Variants in IMPG2 observed in about 807,000 individuals in gnomAD.
IMPG2 encodes interphotoreceptor matrix proteoglycan 2, also known as IPM 200.
IMPG2 carries 91 observed loss-of-function variants against 129.2 expected under a neutral mutation model. The observed-to-expected ratio is 0.70, with a 90% CI of 0.59 to 0.84. The LOEUF (loss-of-function observed/expected upper bound fraction) is 0.84, where lower values mean the gene tolerates loss of function less well. Ranked by LOEUF, IMPG2 falls within the 40% of genes least tolerant of loss-of-function variation. The pLI is 0.00. For synonymous variants in IMPG2, 510 were observed against 517.7 expected (o/e 0.99, Z 0.20); for missense variants, 1,430 against 1,461.7 (o/e 0.98, Z 0.35).
In IMPG2 at chr3:101,226,225, TTATATATATATATATATATATATATA is replaced by T. The variant is rs66908707; in HGVS notation, c.*718_*743del. The T allele has an allele frequency of 1.7e-3, 177 of 102,902 alleles. 5 individuals carry two copies. Among genetic ancestry groups the T allele is most frequent in the Admixed American group, 5.9e-3 (60 of 10,168 alleles). The allele number at this position is 102,902 out of a possible 1,614,324, so 6.4% of individuals were successfully genotyped here. A position where few individuals can be genotyped will look rare whatever the true frequency, so the allele number is the denominator to read the frequency against. ...TAGATTAATGGGAATCTTCTAAACT[TTATATATATATATATATATATATATA>T]TATATATATATATATATATATATAT... is the stretch of plus-strand genomic sequence containing the variant. On this transcript the variant is annotated 3_prime_UTR_variant, in exon 19 of 19. Coordinates refer to ENST00000193391, the MANE Select transcript of IMPG2 (RefSeq NM_016247.4).
chr3:101,273,817 A>T (rs1474151364), intron 6 of IMPG2, 75 bp from the exon 7 acceptor site: 12 of 1,410,674 alleles, frequency 8.5e-6, no homozygotes, highest in Non-Finnish European at 1.2e-5. Flanking sequence ...GATTGTTTCA[A>T]TGTGTCAGAA....
At chr3:101,247,190 T>C (rs1028025689) in intron 11 of IMPG2, among the ~76,000 whole-genome samples, 1 of 152,142 alleles carries the variant, frequency 6.6e-6, no homozygotes, top group African/African-American at 2.4e-5. Flanking sequence ...TTCTGGATTC[T>C]GAATAACAAA....
chr3:101,233,711 A>C (rs1023108182), intron 14 of IMPG2, among the ~76,000 whole-genome samples: 9 of 152,188 alleles, frequency 5.9e-5, no homozygotes, highest in African/African-American at 2.2e-4. Context: ...TGGGCCTTCC[A>C]TCCTGCCACA....
chr3:101,272,956 G>A (rs901042839), intron 7 of IMPG2, among the ~76,000 whole-genome samples: 24 of 152,134 alleles, frequency 1.6e-4, no homozygotes, highest in African/African-American at 4.1e-4. Flanking sequence ...CAAACTAGAC[G>A]GGGACTATGG....
chr3:101,237,272 G>T (rs1559640938), intron 14 of IMPG2, among the ~76,000 whole-genome samples: 1 of 152,186 alleles, frequency 6.6e-6, no homozygotes. Flanking sequence ...CTGGGGGAAG[G>T]GGCAGCTGTA....
intron 14 of IMPG2, among the ~76,000 whole-genome samples, chr3:101,240,119 T>G (rs1559641580): frequency 6.6e-6 from 1 of 152,102 alleles, no homozygotes; most frequent in East Asian, 1.9e-4. Context: ...TTATTTTTTA[T>G]TTTTTATTTT....
In IMPG2 at chr3:101,305,273, T is replaced by C. The variant is rs538102341; in HGVS notation, c.335-961A>G. 5.3e-5 allele frequency among the ~76,000 whole-genome samples: 8 copies of C among 152,258 alleles called. No individual in the cohort carries two copies. The South Asian group carries it at 1.2e-3, about 24-fold the overall frequency. On this transcript the variant is annotated intron_variant, in intron 2 of 18. Coordinates refer to ENST00000193391, the MANE Select transcript of IMPG2 (RefSeq NM_016247.4). Reference sequence around the variant, plus strand: ...CATACTGGTGATTCCAATATCATTCTGGAAAAGGCAAAACTATGGAGACAG... The same window carrying C: ...CATACTGGTGATTCCAATATCATTCCGGAAAAGGCAAAACTATGGAGACAG...
chr3:101,257,624 T>A lies in IMPG2; in HGVS notation c.1058A>T (p.Asn353Ile), dbSNP rs1486610161. 1 of 1,613,338 alleles carries A rather than the reference T, an allele frequency of 6.2e-7. No homozygotes were observed. Among genetic ancestry groups the A allele is most frequent in the African/African-American group, 1.3e-5 (1 of 74,880 alleles). Reference protein sequence around the residue: ...DKPTVVYTISNFRDYIAETLQ... With the variant: ...DKPTVVYTISIFRDYIAETLQ... ...TGTCTCAGCAATATAATCTCTGAAG[T>A]TACTGATTGTATAAACAACAGTGGG... The change falls in exon 10 of 19, where the codon AAC becomes ATC. Residue 353 changes from asparagine (N) to isoleucine (I), a missense_variant. By Grantham distance (149) the Asn-to-Ile change is moderately radical. Coordinates refer to ENST00000193391, the MANE Select transcript of IMPG2 (RefSeq NM_016247.4).
chr3:101,296,490 A>G (rs1380506803), intron 3 of IMPG2, among the ~76,000 whole-genome samples: 2 of 152,152 alleles, frequency 1.3e-5, no homozygotes, highest in South Asian at 4.1e-4. Flanking sequence ...GGATTTTTGC[A>G]TCAATGTTCA....
chr3:101,254,662 C>T (rs1706579773), intron 10 of IMPG2, among the ~76,000 whole-genome samples: 1 of 152,084 alleles, frequency 6.6e-6, no homozygotes, highest in Admixed American at 6.6e-5. Context: ...TTTTCCAAAA[C>T]TTTTAAAAAC....
chr3:101,279,721 C>T (rs760007880), intron 4 of IMPG2, among the ~76,000 whole-genome samples: 13 of 152,194 alleles, frequency 8.5e-5, no homozygotes, highest in Non-Finnish European at 1.2e-4. Flanking sequence ...ATCAAATTTA[C>T]GCTAATTCTC....
chr3:101,237,111 C>G (rs1311783563), intron 14 of IMPG2, among the ~76,000 whole-genome samples: 1 of 152,170 alleles, frequency 6.6e-6, no homozygotes, highest in Non-Finnish European at 1.5e-5. Flanking sequence ...GAAATTTGAA[C>G]TGGGTGGAGC....
At chr3:101,277,080 T>C (rs890378695) in intron 4 of IMPG2, among the ~76,000 whole-genome samples, 1 of 152,214 alleles carries the variant, frequency 6.6e-6, no homozygotes, top group African/African-American at 2.4e-5. Flanking sequence ...CCACTGGACA[T>C]GCATAGCAAT....
intron 2 of IMPG2, among the ~76,000 whole-genome samples, chr3:101,313,667 G>T (rs918237541): frequency 3.0e-4 from 46 of 151,960 alleles, no homozygotes; most frequent in African/African-American, 1.1e-3. Flanking sequence ...ATCCAGCATG[G>T]AATTATCTTT....
At chr3:101,313,296 T>C (rs182568490) in intron 2 of IMPG2, among the ~76,000 whole-genome samples, 27 of 152,206 alleles carry the variant, frequency 1.8e-4, no homozygotes, top group Admixed American at 1.2e-3. Flanking sequence ...TAGGACACTG[T>C]AGGCAGAAGA....
intron 2 of IMPG2, among the ~76,000 whole-genome samples, chr3:101,314,553 T>A (rs923156945): frequency 1.3e-5 from 2 of 152,100 alleles, no homozygotes; most frequent in Admixed American, 1.3e-4. Flanking sequence ...CAACTCATTC[T>A]TCGAAATCCA....
chr3:101,273,494 C>A, intron 7 of IMPG2, 87 bp downstream of exon 7: 1 of 1,416,156 alleles, frequency 7.1e-7, no homozygotes, highest in Admixed American at 1.9e-5. Flanking sequence ...AATTTGAAAC[C>A]TAAACCTATC....
intron 10 of IMPG2, among the ~76,000 whole-genome samples, chr3:101,254,547 G>T (rs1286667793): frequency 6.6e-6 from 1 of 152,074 alleles, no homozygotes; most frequent in Non-Finnish European, 1.5e-5. Context: ...GAGTGATCTG[G>T]TGTATGCAAC....
intron 11 of IMPG2, among the ~76,000 whole-genome samples, chr3:101,249,183 C>T (rs1307620197): frequency 3.3e-5 from 5 of 152,166 alleles, no homozygotes; most frequent in Admixed American, 6.6e-5. Context: ...TCTCTGCATA[C>T]CTCAACATTC....
Sources: gnomAD v4.1 joint callset for allele counts (sites outside exome capture counted in the v4.1 genomes callset) on GRCh38, gnomAD v4.1.1 for gene constraint, MANE v1.5 for transcripts, NCBI Gene and HGNC (gene_info 2026-07-23, HGNC 2026-07-21) for gene names.